POC1B: variants seen among roughly 807,000 people sequenced by gnomAD.
The protein encoded by POC1B is POC1 centriolar protein B.
Under a neutral mutation model 60.6 loss-of-function variants are expected in POC1B, and 44 were observed. That is an observed-to-expected ratio of 0.73 (90% CI 0.57 to 0.93). The LOEUF is 0.93. Ranked by LOEUF, POC1B falls within the 40% of genes least tolerant of loss-of-function variation. POC1B has a pLI of 0.00. For synonymous variants in POC1B, 180 were observed against 198.9 expected (o/e 0.90, Z 0.80); for missense variants, 555 against 572.3 (o/e 0.97, Z 0.31).
At chr12:89,489,409 A>C (rs1409444420) in intron 4 of POC1B, among the ~76,000 whole-genome samples, 1 of 152,242 alleles carries the variant, frequency 6.6e-6, no homozygotes, top group East Asian at 1.9e-4. Context: ...GTTTTTAGCC[A>C]CACAGCTATA....
chr12:89,439,359 T>C (rs933700224), intron 10 of POC1B, among the ~76,000 whole-genome samples: 5 of 152,150 alleles, frequency 3.3e-5, no homozygotes, highest in African/African-American at 1.2e-4. Context: ...TATATATTCG[T>C]CCTCTGCCTA....
chr12:89,485,593 A>C (rs1868589699), intron 4 of POC1B, among the ~76,000 whole-genome samples: 1 of 152,172 alleles, frequency 6.6e-6, no homozygotes, highest in African/African-American at 2.4e-5. Context: ...CGGTAAGATA[A>C]AGACAGTCCA....
chr12:89,424,844 A>C (rs1880690634), intron 11 of POC1B, among the ~76,000 whole-genome samples: 1 of 152,244 alleles, frequency 6.6e-6, no homozygotes, highest in South Asian at 2.1e-4. Flanking sequence ...TTTTCAAAGT[A>C]AAAAACTATA....
At chr12:89,502,407 C>A in intron 2 of POC1B, 1 of 1,499,572 alleles carries the variant, frequency 6.7e-7, no homozygotes, top group Non-Finnish European at 9.3e-7. Flanking sequence ...CAGGAGGATT[C>A]GTGATTAGTG....
chr12:89,434,276 C>T (rs1881160209), intron 10 of POC1B, among the ~76,000 whole-genome samples: 1 of 152,154 alleles, frequency 6.6e-6, no homozygotes, highest in Non-Finnish European at 1.5e-5. Context: ...TTGGAAATTG[C>T]ATTTTTATCA....
chr12:89,473,505 C>T (rs1028813657), intron 4 of POC1B, among the ~76,000 whole-genome samples: 9 of 150,912 alleles, frequency 6.0e-5, no homozygotes, highest in African/African-American at 2.2e-4. Context: ...ACCCTGCCTC[C>T]ACTAAAATAG....
intron 2 of POC1B, among the ~76,000 whole-genome samples, chr12:89,497,761 A>C (rs1425439090): frequency 6.6e-6 from 1 of 152,204 alleles, no homozygotes; most frequent in Non-Finnish European, 1.5e-5. Context: ...ATAATTTTTC[A>C]AACTGTTTAT....
intron 10 of POC1B, chr12:89,426,834 A>AC (rs1880786358): frequency 6.6e-6 from 1 of 152,274 alleles, no homozygotes; most frequent in East Asian, 1.9e-4. Flanking sequence ...AAAAAAAAAA[A>AC]AAAAGAAATG....
intron 9 of POC1B, among the ~76,000 whole-genome samples, chr12:89,464,644 C>A (rs1469554842): frequency 6.6e-6 from 1 of 151,536 alleles, no homozygotes; most frequent in East Asian, 1.9e-4. Context: ...CGCGCCACCA[C>A]ACCCAGCAAA....
At chr12:89,416,217 T>C (rs1880361748), downstream of POC1B, among the ~76,000 whole-genome samples, 1 of 152,216 alleles carries the variant, frequency 6.6e-6, no homozygotes, top group Admixed American at 6.5e-5. Context: ...CAATCTCTGT[T>C]GTACCAGAGA....
chr12:89,452,990 C>T (rs977797909), intron 10 of POC1B, among the ~76,000 whole-genome samples: 1 of 152,082 alleles, frequency 6.6e-6, no homozygotes, highest in African/African-American at 2.4e-5. Flanking sequence ...TAGTCTCTTT[C>T]CAGTCTCTAA....
At chr12:89,474,884 A>G (rs1883044699) in intron 4 of POC1B, among the ~76,000 whole-genome samples, 1 of 152,240 alleles carries the variant, frequency 6.6e-6, no homozygotes, top group Non-Finnish European at 1.5e-5. Flanking sequence ...GTGTGTTGCC[A>G]TAAGCTGTAG....
chr12:89,498,365 C>G (rs1401460371), intron 2 of POC1B, among the ~76,000 whole-genome samples: 7 of 152,120 alleles, frequency 4.6e-5, no homozygotes, highest in African/African-American at 1.7e-4. Context: ...GCCTAAAAAA[C>G]AAATTTTATT....
downstream of POC1B, among the ~76,000 whole-genome samples, chr12:89,416,701 T>C (rs1880372487): frequency 6.6e-6 from 1 of 152,216 alleles, no homozygotes; most frequent in African/African-American, 2.4e-5. Context: ...TAGTTGCAGA[T>C]CTTCTGATTT....
At chr12:89,412,702 A>G in the POC1B span, among the ~76,000 whole-genome samples, 19 of 151,874 alleles carry the variant, frequency 1.3e-4, no homozygotes, top group African/African-American at 4.6e-4. Flanking sequence ...TTTTTAATGT[A>G]TTAAAAGCAT....
chr12:89,473,978 G>T (rs1883009210), intron 4 of POC1B, among the ~76,000 whole-genome samples: 2 of 152,122 alleles, frequency 1.3e-5, no homozygotes, highest in South Asian at 4.1e-4. Flanking sequence ...GCCGAGGCAG[G>T]CGGATCACCT....
In POC1B at chr12:89,466,861, A is replaced by G. The variant is rs1443763779; in HGVS notation, c.941T>C (p.Leu314Pro). 6.2e-7 allele frequency: 1 copy of G among 1,612,960 alleles called. No homozygotes were observed. The highest frequency in any genetic ancestry group is 8.5e-7 in the Non-Finnish European group (1 of 1,179,218). Residue 314 changes from leucine to proline, a missense_variant, in exon 9 of 12, where the codon CTC becomes CCC. Coordinates refer to ENST00000313546, the MANE Select transcript of POC1B (RefSeq NM_172240.3). Reference sequence around the variant, plus strand: ...TGGTGAATCAAAATGTAATCTTTTGAGATTTCTTTTGGTAAGACCTTTACA... The same window carrying G: ...TGGTGAATCAAAATGTAATCTTTTGGGATTTCTTTTGGTAAGACCTTTACA... ...LHCKGLTKRN[L>P]KRLHFDSPPH...
chr12:89,459,851 TA>T lies in POC1B; in HGVS notation c.1033-134del, dbSNP rs567907600. 20 of 528,152 alleles carry T rather than the reference TA, an allele frequency of 3.8e-5. No individual in the cohort carries two copies. The Admixed American group carries it at 4.8e-4, about 13-fold the overall frequency. 32.7% of individuals were successfully genotyped at this position (528,152 alleles called of 1,614,324 possible). ...ATATTGGTATATTCATTACTATGGA[TA>T]AAAAAAATTTTAAGCTAAATGTTAG... On this transcript the variant is annotated intron_variant, in intron 9 of 11. Coordinates refer to ENST00000313546, the MANE Select transcript of POC1B (RefSeq NM_172240.3).
At chr12:89,483,730 C>A (rs1011051643) in intron 4 of POC1B, among the ~76,000 whole-genome samples, 9 of 152,092 alleles carry the variant, frequency 5.9e-5, no homozygotes, top group African/African-American at 2.2e-4. Context: ...TACATCTCAG[C>A]AAAAATATCC....
Sources: gnomAD v4.1 joint callset for allele counts (sites outside exome capture counted in the v4.1 genomes callset) on GRCh38, gnomAD v4.1.1 for gene constraint, MANE v1.5 for transcripts, NCBI Gene and HGNC (gene_info 2026-07-23, HGNC 2026-07-21) for gene names.